The following AFF1 variants were observed in gnomAD, a reference collection of about 807,000 sequenced individuals.
The protein encoded by AFF1 is ALF transcription elongation factor 1.
Under a neutral mutation model 121.7 loss-of-function variants are expected in AFF1, and 48 were observed. That is an observed-to-expected ratio of 0.39 (90% CI 0.31 to 0.50). The LOEUF (loss-of-function observed/expected upper bound fraction) is 0.50. Ranked by LOEUF, AFF1 falls within the 20% of genes least tolerant of loss-of-function variation. The probability of loss-of-function intolerance (pLI) is 0.76; values close to 1 mark genes in which losing one functional copy is unlikely to be tolerated. For synonymous variants in AFF1, 613 were observed against 563.0 expected (o/e 1.09, Z -1.26); for missense variants, 1,523 against 1,511.7 (o/e 1.01, Z -0.12).
At chr4:86,997,966 C>T (rs1404824868) in intron 2 of AFF1, among the ~76,000 whole-genome samples, 2 of 151,880 alleles carry the variant, frequency 1.3e-5, no homozygotes, top group African/African-American at 4.8e-5. Context: ...GGTGTGGTGG[C>T]ACATGCCTGT....
intron 2 of AFF1, among the ~76,000 whole-genome samples, chr4:87,040,591 A>T: frequency 6.8e-6 from 1 of 146,764 alleles, no homozygotes; most frequent in African/African-American, 2.5e-5. Flanking sequence ...ATTGAGACAG[A>T]CTTTGACACT....
intron 4 of AFF1, among the ~76,000 whole-genome samples, chr4:87,070,012 A>ATTTTTG (rs1348625560): frequency 1.3e-5 from 2 of 148,782 alleles, no homozygotes; most frequent in African/African-American, 5.0e-5. Context: ...TTTTGTTTTT[A>ATTTTTG]TTTTTGTTTT....
chr4:87,124,369 A>G (rs903140822), intron 12 of AFF1, among the ~76,000 whole-genome samples: 2 of 152,162 alleles, frequency 1.3e-5, no homozygotes, highest in Non-Finnish European at 2.9e-5. Context: ...GTTTCTGTAT[A>G]TGGAGAGATA....
At chr4:86,970,950 T>C (rs1578870183) in intron 2 of AFF1, among the ~76,000 whole-genome samples, 1 of 152,158 alleles carries the variant, frequency 6.6e-6, no homozygotes, top group Non-Finnish European at 1.5e-5. Context: ...GGCCAGATTG[T>C]GGAGGGCCTT....
chr4:87,017,837 TGCA>T (rs1727463709), intron 2 of AFF1, among the ~76,000 whole-genome samples: 1 of 152,060 alleles, frequency 6.6e-6, no homozygotes, highest in Admixed American at 6.6e-5. Context: ...ATAGATCTGT[TGCA>T]CAAACAAAAA....
intron 4 of AFF1, among the ~76,000 whole-genome samples, chr4:87,067,594 A>G: frequency 6.6e-6 from 1 of 152,228 alleles, no homozygotes; most frequent in East Asian, 1.9e-4. Context: ...GCACAGAGTC[A>G]GGGGCCTGCT....
chr4:87,126,702 T>C (rs887737169), intron 14 of AFF1, among the ~76,000 whole-genome samples: 1 of 152,140 alleles, frequency 6.6e-6, no homozygotes, highest in Non-Finnish European at 1.5e-5. Context: ...TGATCCACTT[T>C]CTCAAATAAA....
In AFF1 at chr4:87,046,993, T is replaced by A; in HGVS notation, c.458T>A (p.Leu153His). Reference sequence around the variant, plus strand: ...CCAAGAACTGAACCAATGCCAAGTCTCCATGCCAAAAGCTGCGGCCCACCG... The same window carrying A: ...CCAAGAACTGAACCAATGCCAAGTCACCATGCCAAAAGCTGCGGCCCACCG... ...AQPRTEPMPS[L>H]HAKSCGPPDS... Residue 153 changes from leucine (L) to histidine (H), a missense_variant, in exon 4 of 21, where the codon CTC (leucine) becomes CAC (histidine). Physicochemically the swap from Leu to His is moderately conservative, Grantham distance 99. This residue lies in a region of AFF1 where 369 missense variants were observed against 367.2 expected (regional missense o/e 1.00). Coordinates refer to ENST00000395146, the MANE Select transcript of AFF1 (RefSeq NM_001166693.3). 1.2e-6 allele frequency: 2 copies of A among 1,614,094 alleles called. No individual in the cohort carries two copies. The highest frequency in any genetic ancestry group is 1.7e-6 in the Non-Finnish European group (2 of 1,179,996).
chr4:87,007,051 C>CTGG (rs1250387471), intron 2 of AFF1: 22 of 1,191,190 alleles, frequency 1.8e-5, no homozygotes, highest in Non-Finnish European at 2.3e-5. Flanking sequence ...GCGTTGGGCG[C>CTGG]CGGCGGTCTT....
At position 87,036,744 on chromosome 4, in the gene AFF1, TAAG is replaced by T. The variant is rs201070104; in HGVS notation, c.39-9419_39-9417del. The T allele has an allele frequency of 2.0e-3, 992 of 499,298 alleles. 10 individuals carry two copies. The highest frequency in any genetic ancestry group is 0.018 in the African/African-American group (897 of 51,190). 30.9% of individuals were successfully genotyped at this position (499,298 alleles called of 1,614,324 possible). ...AATGGGTTATATTAACTACCCCAGT[TAAG>T]AAACATCAGCTACTGGTGTTTGAAT... On this transcript the variant is annotated intron_variant, in intron 2 of 20. Transcript: ENST00000395146.
At chr4:86,976,704 C>T (rs1047737767) in intron 2 of AFF1, among the ~76,000 whole-genome samples, 1 of 152,210 alleles carries the variant, frequency 6.6e-6, no homozygotes, top group Admixed American at 6.5e-5. Flanking sequence ...CAAGCTCCCA[C>T]AACATGCAAT....
At chr4:87,089,287 T>C (rs1724060945) in intron 5 of AFF1, among the ~76,000 whole-genome samples, 1 of 152,232 alleles carries the variant, frequency 6.6e-6, no homozygotes, top group South Asian at 2.1e-4. Context: ...ACAAGTATTT[T>C]TAGAAAAATT....
rs1300577906 is a variant in AFF1 at position 87,139,044 on chromosome 4, T to A, written c.*3343T>A. 4.4e-6 allele frequency: 1 copy of A among 225,254 alleles called. No individual in the cohort carries two copies. The highest frequency in any genetic ancestry group is 8.8e-6 in the Non-Finnish European group (1 of 113,148). 14.0% of individuals were successfully genotyped at this position (225,254 alleles called of 1,614,324 possible). A position where few individuals can be genotyped will look rare whatever the true frequency, so the allele number is the denominator to read the frequency against. On this transcript the variant is annotated 3_prime_UTR_variant, in exon 21 of 21. Coordinates refer to ENST00000395146, the MANE Select transcript of AFF1 (RefSeq NM_001166693.3). ...CAGGAGCTTACTGTTTTATTATGAT[T>A]CATCTTCAGTAATTTTTAGAAGCAA...
At chr4:87,129,630 C>T (rs1041870389) in intron 16 of AFF1, among the ~76,000 whole-genome samples, 1 of 152,186 alleles carries the variant, frequency 6.6e-6, no homozygotes, top group Non-Finnish European at 1.5e-5. Context: ...GATTTTTGTT[C>T]TGTCACTAAT....
At position 87,110,432 on chromosome 4, in the gene AFF1, G is replaced by C. The variant is rs190271825; in HGVS notation, c.1533+2117G>C. On this transcript the variant is annotated intron_variant, in intron 11 of 20. Transcript: ENST00000395146. The stretch of plus-strand genomic sequence containing the variant: ...GTTGTGCTGGCAAATACTAGATCTT[G>C]TTCTGGTTTTTTTGTTTTGTTTTGT... Among the ~76,000 whole-genome samples the C allele has an allele frequency of 9.9e-3, 1,380 of 139,646 alleles. 8 individuals carry two copies. Among genetic ancestry groups the C allele is most frequent in the Non-Finnish European group, 0.016 (1,039 of 66,120 alleles). The allele number at this position is 139,646 out of a possible 152,430, so 91.6% of individuals were successfully genotyped here. A position where few individuals can be genotyped will look rare whatever the true frequency, so the allele number is the denominator to read the frequency against.
chr4:87,134,360 G>T, intron 19 of AFF1, 111 bp from the exon 20 acceptor site: 2 of 1,008,534 alleles, frequency 2.0e-6, no homozygotes, highest in Non-Finnish European at 2.9e-6. Context: ...ATTTTGGCAG[G>T]TGTATAGTGA....
intron 2 of AFF1, among the ~76,000 whole-genome samples, chr4:87,009,769 A>G (rs1726544481): frequency 6.6e-6 from 1 of 152,228 alleles, no homozygotes; most frequent in African/African-American, 2.4e-5. Context: ...AAGCTGGGCC[A>G]CGTTGCCCTG....
intron 4 of AFF1, among the ~76,000 whole-genome samples, chr4:87,075,519 T>C (rs1453259516): frequency 3.9e-5 from 6 of 152,190 alleles, no homozygotes. Flanking sequence ...TCATCTTCTA[T>C]CTCAAGGAAG....
intron 10 of AFF1, among the ~76,000 whole-genome samples, chr4:87,107,780 G>T (rs1411518321): frequency 5.9e-5 from 9 of 152,110 alleles, no homozygotes. Flanking sequence ...AGCAAACATA[G>T]TACATTAAAA....
Sources: allele counts gnomAD v4.1 joint callset (sites outside exome capture counted in the v4.1 genomes callset), GRCh38; gene constraint gnomAD v4.1.1; regional missense constraint gnomAD v4.1.1; transcripts MANE v1.5; gene names NCBI Gene and HGNC (gene_info 2026-07-23, HGNC 2026-07-21).